The following SLC24A2 variants were observed in gnomAD, a reference collection of about 807,000 sequenced individuals.
SLC24A2 encodes the protein solute carrier family 24 member 2.
A neutral mutation model predicts 62.0 loss-of-function variants in SLC24A2; 36 were observed. The ratio of observed to expected loss-of-function variants is 0.58; its 90% CI spans 0.44 to 0.77. SLC24A2 has a LOEUF of 0.77. SLC24A2 is among the 30% of genes least tolerant of loss of function. The pLI is 0.00. For synonymous variants in SLC24A2, 358 were observed against 294.0 expected, an observed-to-expected ratio of 1.22 and a Z score of -2.23; for missense variants, 846 against 817.9, an observed-to-expected ratio of 1.03 and a Z score of -0.42.
chr9:20,202,666 A>G, the SLC24A2 span, among the ~76,000 whole-genome samples: 1 of 152,238 alleles, frequency 6.6e-6, no homozygotes, highest in Non-Finnish European at 1.5e-5. Context: ...TAAATGCTCC[A>G]GAAAAGAATG....
At chr9:20,043,860 G>T in the SLC24A2 span, among the ~76,000 whole-genome samples, 1 of 152,154 alleles carries the variant, frequency 6.6e-6, no homozygotes, top group Non-Finnish European at 1.5e-5. Flanking sequence ...GTTTTGAGAG[G>T]ACTGACCGAT....
the SLC24A2 span, among the ~76,000 whole-genome samples, chr9:20,085,114 G>A: frequency 2.2e-4 from 33 of 152,194 alleles, no homozygotes. Flanking sequence ...TCCCACCTCA[G>A]CCTCCAGAGT....
the SLC24A2 span, among the ~76,000 whole-genome samples, chr9:20,285,563 A>G: frequency 1.3e-5 from 2 of 152,152 alleles, no homozygotes; most frequent in Non-Finnish European, 2.9e-5. Context: ...TTAGGCCTTT[A>G]ACTCATAGGA....
chr9:20,211,129 G>C, the SLC24A2 span, among the ~76,000 whole-genome samples: 3 of 151,656 alleles, frequency 2.0e-5, no homozygotes, highest in African/African-American at 7.3e-5. Context: ...AAGAGACAAA[G>C]TTTGAATAAG....
At chr9:19,882,884 G>A in the SLC24A2 span, among the ~76,000 whole-genome samples, 906 of 152,222 alleles carry the variant, frequency 6.0e-3, 5 homozygotes, top group East Asian at 0.032. Flanking sequence ...CCAAGCAGCC[G>A]ATGCAGGATT....
chr9:19,762,531 A>G (rs1017204160), intron 2 of SLC24A2, among the ~76,000 whole-genome samples: 1 of 152,230 alleles, frequency 6.6e-6, no homozygotes, highest in Non-Finnish European at 1.5e-5. Flanking sequence ...GCATATGGCT[A>G]GCCAGTTTTC....
chr9:20,265,513 A>T, the SLC24A2 span, among the ~76,000 whole-genome samples: 1 of 152,204 alleles, frequency 6.6e-6, no homozygotes, highest in East Asian at 1.9e-4. Flanking sequence ...TTCCCCAATC[A>T]ATACCCTTGT....
At chr9:20,296,574 G>T in the SLC24A2 span, among the ~76,000 whole-genome samples, 1 of 152,216 alleles carries the variant, frequency 6.6e-6, no homozygotes, top group Non-Finnish European at 1.5e-5. Flanking sequence ...CAATGCAGAT[G>T]TACAAAAAGG....
the SLC24A2 span, among the ~76,000 whole-genome samples, chr9:20,303,850 A>C: frequency 6.6e-6 from 1 of 152,146 alleles, no homozygotes; most frequent in East Asian, 1.9e-4. Flanking sequence ...TCTTATCTGA[A>C]GCTAACATGC....
the SLC24A2 span, among the ~76,000 whole-genome samples, chr9:19,870,242 C>T: frequency 6.6e-6 from 1 of 152,074 alleles, no homozygotes; most frequent in Non-Finnish European, 1.5e-5. Context: ...TATGGATTTG[C>T]CTATTCTAGA....
chr9:20,131,415 C>T, the SLC24A2 span, among the ~76,000 whole-genome samples: 10 of 152,118 alleles, frequency 6.6e-5, no homozygotes, highest in African/African-American at 2.4e-4. Flanking sequence ...GATAAGCACA[C>T]CTGTCAAGAT....
chr9:19,820,344 C>T, the SLC24A2 span, among the ~76,000 whole-genome samples: 10 of 150,258 alleles, frequency 6.7e-5, no homozygotes, highest in African/African-American at 1.5e-4. Context: ...GTATACTGCT[C>T]AGGTGATGGG....
intron 2 of SLC24A2, among the ~76,000 whole-genome samples, chr9:19,728,289 T>C (rs569183157): frequency 4.6e-4 from 69 of 150,004 alleles, no homozygotes; most frequent in African/African-American, 1.6e-3. Context: ...GCATTTTTAA[T>C]GAATTAGTGA....
chr9:19,621,830 G>A (rs147444806), intron 3 of SLC24A2, among the ~76,000 whole-genome samples: 1 of 152,080 alleles, frequency 6.6e-6, no homozygotes, highest in African/African-American at 2.4e-5. Flanking sequence ...AAGTATATAG[G>A]TCTCATGCAG....
chr9:20,027,583 T>C, the SLC24A2 span, among the ~76,000 whole-genome samples: 1 of 152,174 alleles, frequency 6.6e-6, no homozygotes. Flanking sequence ...CTTCCTCATG[T>C]GAAATCTAAA....
intron 10 of SLC24A2, among the ~76,000 whole-genome samples, chr9:19,520,437 C>T (rs1040985334): frequency 6.6e-6 from 1 of 152,076 alleles, no homozygotes; most frequent in African/African-American, 2.4e-5. Flanking sequence ...AATGGTAATG[C>T]CAAGACTGTC....
chr9:19,881,061 G>A, the SLC24A2 span, among the ~76,000 whole-genome samples: 3 of 152,140 alleles, frequency 2.0e-5, no homozygotes, highest in Admixed American at 6.5e-5. Context: ...TGTTGTGAAG[G>A]ATGATTAGTA....
chr9:19,623,781 T>A (rs1211803273), intron 2 of SLC24A2, among the ~76,000 whole-genome samples: 1 of 152,214 alleles, frequency 6.6e-6, no homozygotes, highest in Non-Finnish European at 1.5e-5. Flanking sequence ...AATACCAATG[T>A]GTTTTTTTCC....
At chr9:20,140,115 G>A in the SLC24A2 span, among the ~76,000 whole-genome samples, 6 of 152,168 alleles carry the variant, frequency 3.9e-5, no homozygotes, top group South Asian at 1.0e-3. Flanking sequence ...TTCTAAAACT[G>A]ACTGAGATGC....
Sources: allele counts gnomAD v4.1 joint callset (sites outside exome capture counted in the v4.1 genomes callset), GRCh38; gene constraint gnomAD v4.1.1; transcripts MANE v1.5; gene names NCBI Gene and HGNC (gene_info 2026-07-23, HGNC 2026-07-21).